Variants in RBBP5 observed in about 807,000 individuals in gnomAD.
RBBP5 encodes the protein RB binding protein 5, histone lysine methyltransferase complex subunit, also known as retinoblastoma-binding protein 5.
In RBBP5, 5 loss-of-function variants were observed where a neutral mutation model predicts 72.2. The observed-to-expected ratio is 0.07, with a 90% CI of 0.04 to 0.15. RBBP5 has a LOEUF of 0.15. Ranked by LOEUF, RBBP5 falls within the 10% of genes least tolerant of loss-of-function variation. The pLI is 1.00. For synonymous variants in RBBP5, 209 were observed against 237.2 expected (o/e 0.88, Z 1.09); for missense variants, 322 against 652.2 (o/e 0.49, Z 5.51).
At chr1:205,090,357 C>A (rs1204753454) in intron 13 of RBBP5, among the ~76,000 whole-genome samples, 1 of 152,178 alleles carries the variant, frequency 6.6e-6, no homozygotes, top group Non-Finnish European at 1.5e-5. Flanking sequence ...CACTAATCAA[C>A]AGCATTAGTA....
At chr1:205,106,950 C>T (rs767169117) in intron 3 of RBBP5, among the ~76,000 whole-genome samples, 2 of 150,868 alleles carry the variant, frequency 1.3e-5, no homozygotes, top group Non-Finnish European at 3.0e-5. Flanking sequence ...AATTCAGCAG[C>T]CAATGGAGGA....
chr1:205,096,010 C>T (rs1240790962), intron 12 of RBBP5, among the ~76,000 whole-genome samples: 3 of 151,960 alleles, frequency 2.0e-5, no homozygotes, highest in East Asian at 3.9e-4. Flanking sequence ...CTGGCCAACA[C>T]GGCAAAACCC....
At chr1:205,112,013 A>G (rs906051928) in intron 3 of RBBP5, among the ~76,000 whole-genome samples, 2 of 151,960 alleles carry the variant, frequency 1.3e-5, no homozygotes, top group Non-Finnish European at 2.9e-5. Flanking sequence ...CTTATCTTAC[A>G]AATTTAAAGT....
rs1655555030 is a variant in RBBP5 at position 205,094,961 on chromosome 1, T to C, written c.1500A>G (p.Lys500=). 1 of 1,614,038 alleles carries C rather than the reference T, an allele frequency of 6.2e-7. No individual in the cohort carries two copies. The highest frequency in any genetic ancestry group is 1.7e-5 in the Admixed American group (1 of 60,004). The change falls in exon 13 of 14, where the codon AAA becomes AAG. Residue 500 remains lysine (K), a synonymous_variant. Coordinates refer to ENST00000264515, the MANE Select transcript of RBBP5 (RefSeq NM_005057.4). ...CTCTGTCCCCTTTGTAGAGTTTCGG[T>C]TTAAATGGAGAATCTTTCTCTTTAC... ...SKGKEKDSPF[K]PKLYKGDRGL...
At chr1:205,102,544 G>C (rs1655876299) in intron 5 of RBBP5, among the ~76,000 whole-genome samples, 1 of 152,166 alleles carries the variant, frequency 6.6e-6, no homozygotes. Context: ...AATAGGTACA[G>C]AATTCCAGTT....
intron 12 of RBBP5, 35 bp from the exon 13 acceptor site, chr1:205,095,099 T>C (rs371742851): frequency 6.2e-7 from 1 of 1,603,090 alleles, no homozygotes; most frequent in Non-Finnish European, 8.5e-7. Context: ...GGAATCCACA[T>C]GACACCAGTC....
intron 13 of RBBP5, chr1:205,091,148 C>G (rs1343188592): frequency 6.6e-6 from 1 of 152,264 alleles, no homozygotes; most frequent in African/African-American, 2.4e-5. Context: ...GTCTACCATC[C>G]CATGAGGCCT....
rs781251656 is a variant in RBBP5 at position 205,115,971 on chromosome 1, CA to C, written c.20-89del. The C allele has an allele frequency of 4.3e-6, 7 of 1,612,704 alleles. No individual in the cohort carries two copies. The Admixed American group carries it at 1.2e-4, about 27-fold the overall frequency. ...ACGAACAGTGTATAGCAGTGGCTGA[CA>C]AAACGAAAAGGGGGATATGATGCCC... On this transcript the variant is annotated intron_variant, in intron 1 of 13. Transcript: ENST00000264515.
chr1:205,099,907 T>C lies in RBBP5; in HGVS notation c.906+4A>G, dbSNP rs779581748. ...TAACAAAAGCAATGTCCTAATGTAC[T>C]CACAGCTACATCCAAGAGGAGTTCT... On this transcript the variant is annotated splice_donor_region_variant and intron_variant, in intron 8 of 13. Transcript: ENST00000264515. The surrounding 1 kb of genome is among the most constrained non-coding windows in gnomAD (Gnocchi z 4.7). 6.2e-7 allele frequency: 1 copy of C among 1,614,062 alleles called. No homozygotes were observed. Among genetic ancestry groups the C allele is most frequent in the East Asian group, 2.2e-5 (1 of 44,878 alleles).
Position 205,095,000 on chromosome 1 carries a change from A to G in RBBP5, c.1461T>C (p.Pro487=). 2 of 1,614,002 alleles carry G rather than the reference A, an allele frequency of 1.2e-6. No homozygotes were observed. Among genetic ancestry groups the G allele is most frequent in the East Asian group, 4.5e-5 (2 of 44,860 alleles). The part of the protein sequence containing the change: ...GKSKKKQAGR[P]KGSKGKEKDS... ...CTTTCTCTTTACCTTTTGATCCTTT[A>G]GGCCGGCCTGCTTGCTTCTTCTTGG... The change falls in exon 13 of 14, where the codon CCT becomes CCC. Residue 487 remains proline, a synonymous_variant. Transcript: ENST00000264515.
intron 5 of RBBP5, 52 bp downstream of exon 5, chr1:205,103,805 C>G: frequency 1.2e-5 from 19 of 1,571,206 alleles, no homozygotes; most frequent in Non-Finnish European, 1.7e-5. Flanking sequence ...AACAAGTAAA[C>G]ATTAAATGAG....
At chr1:205,102,573 T>C (rs959438875) in intron 5 of RBBP5, among the ~76,000 whole-genome samples, 6 of 152,162 alleles carry the variant, frequency 3.9e-5, no homozygotes, top group Non-Finnish European at 8.8e-5. Flanking sequence ...AGAAAAGATT[T>C]CTAAAGATGG....
intron 10 of RBBP5, among the ~76,000 whole-genome samples, chr1:205,098,556 T>C (rs1191474651): frequency 6.6e-6 from 1 of 151,898 alleles, no homozygotes; most frequent in Non-Finnish European, 1.5e-5. Flanking sequence ...GGCACAGTGG[T>C]TCATAGGCCA....
intron 5 of RBBP5, among the ~76,000 whole-genome samples, chr1:205,103,223 CAA>C (rs35295093): frequency 2.3e-3 from 209 of 91,360 alleles, no homozygotes; most frequent in African/African-American, 5.6e-3. Flanking sequence ...GACTCCATCT[CAA>C]AAAAAAAAAA....
At chr1:205,102,305 A>G (rs1020070499) in intron 5 of RBBP5, among the ~76,000 whole-genome samples, 1 of 152,232 alleles carries the variant, frequency 6.6e-6, no homozygotes, top group Non-Finnish European at 1.5e-5. Flanking sequence ...TAAACATAAA[A>G]TGGAGTATTA....
chr1:205,105,063 T>A lies in RBBP5; in HGVS notation c.324A>T (p.Ser108=), dbSNP rs748664586. The part of the protein sequence containing the change: ...GDCDQRFRFP[S]PILKVQYHPR... ...GATGATATTGGACTTTTAAGATGGG[T>A]GAAGGGAATCGAAACCTCTGGTCAC... Residue 108 remains serine, a synonymous_variant, in exon 4 of 14, where the codon TCA becomes TCT. Coordinates refer to ENST00000264515, the MANE Select transcript of RBBP5 (RefSeq NM_005057.4). The A allele has an allele frequency of 1.9e-5, 31 of 1,613,868 alleles. 1 individual carries two copies. In the South Asian group the frequency reaches 3.3e-4, roughly 17 times the overall value.
intron 3 of RBBP5, among the ~76,000 whole-genome samples, chr1:205,112,057 C>T (rs1025320669): frequency 1.4e-4 from 21 of 152,106 alleles, no homozygotes; most frequent in African/African-American, 5.1e-4. Context: ...GAGGCTCACA[C>T]CTGCAATCCT....
chr1:205,115,876 A>G lies in RBBP5; in HGVS notation c.27T>C (p.Phe9=). The change falls in exon 2 of 14, where the codon TTT becomes TTC. Residue 9 remains phenylalanine (F), a synonymous_variant. Coordinates refer to ENST00000264515, the MANE Select transcript of RBBP5 (RefSeq NM_005057.4). The part of the protein sequence containing the change: MNLELLES[F]GQNYPEEADG... ...CTCTTACCTCTGGATAGTTCTGCCC[A>G]AAGGACTCTGCAACAAAGCAAAGAA... The G allele has an allele frequency of 1.2e-6, 2 of 1,613,304 alleles. No individual in the cohort carries two copies. The highest frequency in any genetic ancestry group is 1.7e-6 in the Non-Finnish European group (2 of 1,179,362).
At chr1:205,092,229 G>A (rs1655375436) in intron 13 of RBBP5, among the ~76,000 whole-genome samples, 2 of 152,184 alleles carry the variant, frequency 1.3e-5, no homozygotes, top group African/African-American at 4.8e-5. Flanking sequence ...CTCTGCAGCT[G>A]GTCAATAAAG....
Sources: allele counts gnomAD v4.1 joint callset (sites outside exome capture counted in the v4.1 genomes callset), GRCh38; gene constraint gnomAD v4.1.1; non-coding constraint Gnocchi (gnomAD v3.1); transcripts MANE v1.5; gene names NCBI Gene and HGNC (gene_info 2026-07-23, HGNC 2026-07-21).